Variants in IL1RAPL2 observed in about 807,000 individuals in gnomAD.
IL1RAPL2 encodes interleukin 1 receptor accessory protein like 2.
A neutral mutation model predicts 44.1 loss-of-function variants in IL1RAPL2; 3 were observed. The ratio of observed to expected loss-of-function variants is 0.07; its 90% confidence interval spans 0.03 to 0.18. The LOEUF (loss-of-function observed/expected upper bound fraction) is 0.18, where lower values mean the gene tolerates loss of function less well. IL1RAPL2 is among the 10% of genes least tolerant of loss of function. The probability of loss-of-function intolerance (pLI) is 1.00; values close to 1 mark genes in which losing one functional copy is unlikely to be tolerated. For missense variants in IL1RAPL2, 391 were observed against 496.4 expected (o/e 0.79, Z 2.02); for synonymous variants, 181 against 178.8 (o/e 1.01, Z -0.10).
intron 6 of IL1RAPL2, among the ~76,000 whole-genome samples, chrX:105,702,318 C>G (rs1335414133): frequency 9.0e-6 from 1 of 111,446 alleles, no homozygotes; most frequent in Non-Finnish European, 1.9e-5. Flanking sequence ...TACCACCATA[C>G]TGGGTAGATG....
chrX:105,283,170 G>A (rs1392886558), intron 5 of IL1RAPL2, among the ~76,000 whole-genome samples: 3 of 111,584 alleles, frequency 2.7e-5, no homozygotes, highest in Non-Finnish European at 5.6e-5. Flanking sequence ...TGGGTAAATA[G>A]ATAAACTAAA....
At chrX:105,276,062 C>T (rs1406378224) in intron 5 of IL1RAPL2, among the ~76,000 whole-genome samples, 2 of 112,248 alleles carry the variant, frequency 1.8e-5, no homozygotes, top group Non-Finnish European at 3.8e-5. Flanking sequence ...AAAAGGAAAA[C>T]GATTTACTAC....
At chrX:104,634,715 C>T (rs780409494) in intron 1 of IL1RAPL2, among the ~76,000 whole-genome samples, 16 of 111,416 alleles carry the variant, frequency 1.4e-4, no homozygotes, top group Non-Finnish European at 2.4e-4. Flanking sequence ...TCCTCCATCC[C>T]TTTATTTTGA....
intron 1 of IL1RAPL2, among the ~76,000 whole-genome samples, chrX:104,657,084 T>A (rs1208160989): frequency 9.0e-6 from 1 of 111,271 alleles, no homozygotes; most frequent in Non-Finnish European, 1.9e-5. Context: ...GAATGTGAGA[T>A]GGGTCTCCTG....
At chrX:104,638,090 G>T (rs1439909326) in intron 1 of IL1RAPL2, among the ~76,000 whole-genome samples, 1 of 110,576 alleles carries the variant, frequency 9.0e-6, no homozygotes, top group Non-Finnish European at 1.9e-5. Context: ...ATTCAATCTT[G>T]GTAAGTTGCA....
intron 2 of IL1RAPL2, among the ~76,000 whole-genome samples, chrX:104,899,336 T>G (rs906000929): frequency 1.6e-4 from 18 of 112,385 alleles, no homozygotes; most frequent in Non-Finnish European, 3.0e-4. Context: ...ATGCTATATT[T>G]TCAATATTTT....
intron 2 of IL1RAPL2, among the ~76,000 whole-genome samples, chrX:104,916,378 A>C (rs1041101573): frequency 1.3e-4 from 15 of 111,152 alleles, no homozygotes; most frequent in Non-Finnish European, 2.6e-4. Context: ...TTTGTCTGTT[A>C]TTGGTGTATA....
chrX:104,763,406 A>T (rs1011264323), intron 2 of IL1RAPL2, among the ~76,000 whole-genome samples: 1 of 112,059 alleles, frequency 8.9e-6, no homozygotes, highest in Non-Finnish European at 1.9e-5. Flanking sequence ...AGGAAGTTCA[A>T]ACTTTCCCAC....
intron 2 of IL1RAPL2, among the ~76,000 whole-genome samples, chrX:105,033,726 A>T (rs1311630023): frequency 1.8e-5 from 2 of 110,748 alleles, no homozygotes; most frequent in Admixed American, 1.9e-4. Flanking sequence ...CTCGAGGAGT[A>T]TGTTTGTGGC....
intron 4 of IL1RAPL2, among the ~76,000 whole-genome samples, chrX:105,256,976 T>C (rs1309053210): frequency 1.8e-5 from 2 of 111,772 alleles, no homozygotes; most frequent in Non-Finnish European, 3.8e-5. Flanking sequence ...TTTCTTGTCT[T>C]CTGCTAGTGT....
intron 5 of IL1RAPL2, among the ~76,000 whole-genome samples, chrX:105,411,246 G>A (rs755097479): frequency 2.7e-5 from 3 of 111,660 alleles, no homozygotes; most frequent in Non-Finnish European, 5.7e-5. Flanking sequence ...AAGAGAGGAA[G>A]AAAGGAGCAA....
chrX:104,822,208 C>A (rs977123212), intron 2 of IL1RAPL2, among the ~76,000 whole-genome samples: 6 of 111,748 alleles, frequency 5.4e-5, no homozygotes, highest in Non-Finnish European at 1.9e-5. Flanking sequence ...TGCCTGTTCA[C>A]TCTGATGCTA....
intron 7 of IL1RAPL2, among the ~76,000 whole-genome samples, chrX:105,727,144 C>CCAT (rs1216755820): frequency 1.8e-5 from 2 of 111,409 alleles, no homozygotes; most frequent in Non-Finnish European, 3.8e-5. Context: ...AGACACCTAG[C>CCAT]CATCAAAGGA....
chrX:105,343,014 C>T (rs1329543047), intron 5 of IL1RAPL2, among the ~76,000 whole-genome samples: 1 of 109,443 alleles, frequency 9.1e-6, no homozygotes, highest in African/African-American at 3.4e-5. Context: ...ATTCTGAAAT[C>T]CAGGCAATAG....
In IL1RAPL2 at chrX:104,910,490, G is replaced by T. The variant is rs1050125190; in HGVS notation, c.82+251495G>T. ...CCCATCAACCTATCATCTACATTAG[G>T]TATTTCTTCTAATGCTATCCCTCCC... On this transcript the variant is annotated intron_variant, in intron 2 of 10. Coordinates refer to ENST00000372582, the MANE Select transcript of IL1RAPL2 (RefSeq NM_017416.2). 3.6e-5 allele frequency among the ~76,000 whole-genome samples: 4 copies of T among 111,585 alleles called. No individual in the cohort carries two copies. The Admixed American group carries it at 3.8e-4, about 11-fold the overall frequency.
At chrX:105,510,948 T>C (rs1016526984) in intron 6 of IL1RAPL2, among the ~76,000 whole-genome samples, 7 of 111,869 alleles carry the variant, frequency 6.3e-5, no homozygotes, top group African/African-American at 2.3e-4. Flanking sequence ...AGATAACTAA[T>C]AGACTTCATC....
rs552905660 is a variant in IL1RAPL2 at position 104,607,564 on chromosome X, T to A, written c.-20+40513T>A. On this transcript the variant is annotated intron_variant, in intron 1 of 10. Coordinates refer to ENST00000372582, the MANE Select transcript of IL1RAPL2 (RefSeq NM_017416.2). The stretch of plus-strand genomic sequence containing the variant: ...AGAATAAAACAACCCCATCAAAAAG[T>A]CGGCAAAGAATATGAACATACACTT... Among the ~76,000 whole-genome samples the A allele has an allele frequency of 2.7e-5, 3 of 111,662 alleles. No individual in the cohort carries two copies. In the Admixed American group the frequency reaches 2.9e-4, roughly 11 times the overall value.
chrX:105,395,525 A>G (rs1667946197), intron 5 of IL1RAPL2, among the ~76,000 whole-genome samples: 1 of 111,102 alleles, frequency 9.0e-6, no homozygotes, highest in Non-Finnish European at 1.9e-5. Flanking sequence ...GCCCTGGAAA[A>G]GAGACATCAT....
At chrX:104,585,352 T>TATAATATATAA (rs1928527094) in intron 1 of IL1RAPL2, among the ~76,000 whole-genome samples, 1 of 13,646 alleles carries the variant, frequency 7.3e-5, no homozygotes, top group Non-Finnish European at 1.1e-4. Flanking sequence ...ATTATATATA[T>TATAATATATAA]TATATATATT....
Sources: allele counts gnomAD v4.1 joint callset (sites outside exome capture counted in the v4.1 genomes callset), GRCh38; gene constraint gnomAD v4.1.1; transcripts MANE v1.5; gene names NCBI Gene and HGNC (gene_info 2026-07-23, HGNC 2026-07-21).